Variants in ME3 observed in about 807,000 individuals in gnomAD.
ME3 encodes the protein malic enzyme 3, also known as NADP-dependent malic enzyme, mitochondrial.
Under a neutral mutation model 68.9 loss-of-function variants are expected in ME3, and 48 were observed. The ratio of observed to expected loss-of-function variants is 0.70; its 90% CI spans 0.55 to 0.89. The LOEUF (loss-of-function observed/expected upper bound fraction) is 0.89, where lower values mean the gene tolerates loss of function less well. ME3 is among the 40% of genes least tolerant of loss of function. The pLI is 0.00. For synonymous variants in ME3, 320 were observed against 318.8 expected, an observed-to-expected ratio of 1.00 and a Z score of -0.04; for missense variants, 675 against 797.4, an observed-to-expected ratio of 0.85 and a Z score of 1.85.
chr11:86,513,002 C>G (rs964181044), intron 4 of ME3, among the ~76,000 whole-genome samples: 1 of 152,116 alleles, frequency 6.6e-6, no homozygotes, highest in African/African-American at 2.4e-5. Context: ...TTCTCTCTTA[C>G]CAGGAAGAGG....
At chr11:86,664,725 G>C (rs758912020) in intron 2 of ME3, among the ~76,000 whole-genome samples, 2 of 152,102 alleles carry the variant, frequency 1.3e-5, no homozygotes, top group Non-Finnish European at 2.9e-5. Context: ...CAGATGCTGG[G>C]GTCTCCTAAC....
intron 4 of ME3, among the ~76,000 whole-genome samples, chr11:86,531,992 C>A (rs4943942): frequency 0.62 from 78,222 of 126,080 alleles, 20,650 homozygotes; most frequent in African/African-American, 0.65. Context: ...AAAACCAAAC[C>A]AAAAAAAAAC....
chr11:86,491,716 A>G (rs2074566062), intron 6 of ME3, among the ~76,000 whole-genome samples: 1 of 152,204 alleles, frequency 6.6e-6, no homozygotes, highest in African/African-American at 2.4e-5. Context: ...ACTTCTTCAT[A>G]GGTGTTTAGA....
intron 2 of ME3, among the ~76,000 whole-genome samples, chr11:86,562,745 G>A (rs757149679): frequency 4.0e-5 from 6 of 151,880 alleles, no homozygotes; most frequent in Non-Finnish European, 5.9e-5. Flanking sequence ...ATGATGCTGA[G>A]GTTTAGGGCA....
At chr11:86,438,333 C>T (rs956523941), downstream of ME3, among the ~76,000 whole-genome samples, 3 of 151,926 alleles carry the variant, frequency 2.0e-5, no homozygotes, top group Non-Finnish European at 2.9e-5. Flanking sequence ...ATAAAGCCCA[C>T]TTGTTTGTTG....
At chr11:86,608,856 A>G (rs1942347989) in intron 2 of ME3, among the ~76,000 whole-genome samples, 1 of 152,218 alleles carries the variant, frequency 6.6e-6, no homozygotes, top group Admixed American at 6.5e-5. Flanking sequence ...TGCAATGAAG[A>G]AAGTAAAAAT....
At chr11:86,492,677 CCT>C (rs1952074330) in intron 6 of ME3, among the ~76,000 whole-genome samples, 1 of 152,194 alleles carries the variant, frequency 6.6e-6, no homozygotes, top group African/African-American at 2.4e-5. Flanking sequence ...AGAACTTTCT[CCT>C]CTGCTGTGGG....
At chr11:86,448,060 A>T in intron 11 of ME3, 90 bp downstream of exon 11, 1 of 867,616 alleles carries the variant, frequency 1.2e-6, no homozygotes, top group Non-Finnish European at 1.9e-6. Flanking sequence ...TCCATGGGTT[A>T]CTTAGGCTTC....
At chr11:86,607,395 T>C (rs12792567) in intron 2 of ME3, among the ~76,000 whole-genome samples, 2 of 151,596 alleles carry the variant, frequency 1.3e-5, no homozygotes, top group Non-Finnish European at 2.9e-5. Context: ...TCATTGGTGG[T>C]CATTTCTTCC....
intron 8 of ME3, among the ~76,000 whole-genome samples, chr11:86,452,017 T>C (rs1368981781): frequency 2.6e-5 from 4 of 152,190 alleles, no homozygotes; most frequent in Non-Finnish European, 5.9e-5. Context: ...TGGGATGCAA[T>C]GTATTATGAC....
rs149470960 is a variant in ME3 at position 86,580,468 on chromosome 11, T to G, written c.184-20645A>C. Among the ~76,000 whole-genome samples the G allele has an allele frequency of 2.7e-3, 411 of 152,320 alleles. 1 individual carries two copies. The highest frequency in any genetic ancestry group is 9.6e-3 in the African/African-American group (400 of 41,558). On this transcript the variant is annotated intron_variant, in intron 2 of 14. Transcript: ENST00000543262. ...ACTAAATACATGACTGAATGATTGA[T>G]TGGGTCATCATTGAATAGTATGGAA...
intron 4 of ME3, among the ~76,000 whole-genome samples, chr11:86,517,192 C>T (rs529496462): frequency 1.3e-5 from 2 of 152,172 alleles, no homozygotes; most frequent in African/African-American, 2.4e-5. Flanking sequence ...AAGCACAGCC[C>T]GGTGACCTGC....
chr11:86,636,456 C>T (rs1364325027), intron 2 of ME3, among the ~76,000 whole-genome samples: 1 of 152,138 alleles, frequency 6.6e-6, no homozygotes, highest in Non-Finnish European at 1.5e-5. Flanking sequence ...CACTGCCCAA[C>T]CACTGCAACC....
At chr11:86,621,184 G>C (rs1835954135) in intron 2 of ME3, among the ~76,000 whole-genome samples, 1 of 152,136 alleles carries the variant, frequency 6.6e-6, no homozygotes, top group African/African-American at 2.4e-5. Context: ...TGGGAAAACT[G>C]TTTGCCAACT....
chr11:86,572,614 G>A lies in ME3; in HGVS notation c.184-12791C>T, dbSNP rs530255335. Among the ~76,000 whole-genome samples, 6 of 152,000 alleles carry A rather than the reference G, an allele frequency of 3.9e-5. No individual in the cohort carries two copies. In the East Asian group the frequency reaches 5.8e-4, roughly 15 times the overall value. On this transcript the variant is annotated intron_variant, in intron 2 of 14. Transcript: ENST00000543262. ...ATGTCTCTGCAAAGGATATGATCTCGTTTTTTATAGCTGCATCGTATTCCA... is the reference window on the plus strand; with the variant it reads ...ATGTCTCTGCAAAGGATATGATCTCATTTTTTATAGCTGCATCGTATTCCA...
chr11:86,653,808 C>A (rs901867873), intron 2 of ME3, among the ~76,000 whole-genome samples: 131 of 152,210 alleles, frequency 8.6e-4, no homozygotes, highest in African/African-American at 3.1e-3. Flanking sequence ...AATCCAGGAG[C>A]TGTTTTTTTG....
chr11:86,579,681 A>G (rs1958323287), intron 2 of ME3, among the ~76,000 whole-genome samples: 1 of 152,090 alleles, frequency 6.6e-6, no homozygotes, highest in African/African-American at 2.4e-5. Context: ...CTCCTCCTTT[A>G]ATCTCTATCC....
At chr11:86,667,166 A>G (rs910076167) in intron 2 of ME3, among the ~76,000 whole-genome samples, 4 of 152,204 alleles carry the variant, frequency 2.6e-5, no homozygotes, top group Non-Finnish European at 5.9e-5. Context: ...CACTACGTGA[A>G]ATGTCCTGGT....
At chr11:86,585,433 T>C (rs1188574947) in intron 2 of ME3, among the ~76,000 whole-genome samples, 1 of 151,994 alleles carries the variant, frequency 6.6e-6, no homozygotes, top group Non-Finnish European at 1.5e-5. Context: ...GATCTGGTGA[T>C]AGATGAGATT....
Sources: allele counts gnomAD v4.1 joint callset (sites outside exome capture counted in the v4.1 genomes callset), GRCh38; gene constraint gnomAD v4.1.1; transcripts MANE v1.5; gene names NCBI Gene and HGNC (gene_info 2026-07-23, HGNC 2026-07-21).